Variants in MAP2K6 observed in about 807,000 individuals in gnomAD.
The protein encoded by MAP2K6 is mitogen-activated protein kinase kinase 6.
In MAP2K6, 16 loss-of-function variants were observed where a neutral mutation model predicts 53.7. The observed-to-expected ratio is 0.30, with a 90% confidence interval of 0.20 to 0.45. MAP2K6 has a LOEUF of 0.45. MAP2K6 is among the 20% of genes least tolerant of loss of function. The pLI is 1.00. For synonymous variants in MAP2K6, 132 were observed against 143.1 expected (o/e 0.92, Z 0.55); for missense variants, 204 against 411.9 (o/e 0.50, Z 4.37).
chr17:69,552,809 T>A lies in MAP2K6; in HGVS notation c.*11056T>A, dbSNP rs570850409. 57 of 152,352 alleles carry A rather than the reference T, an allele frequency of 3.7e-4. 1 individual carries two copies. The highest frequency in any genetic ancestry group is 3.7e-3 in the Admixed American group (56 of 15,310). The allele number at this position is 152,352 out of a possible 1,614,324, so 9.4% of individuals were successfully genotyped here. The stretch of plus-strand genomic sequence containing the variant: ...TTGGCTTTGGTGGCTCCAAACATTT[T>A]CATTTTAGGCTAGCTTTCCTGTCAC... On this transcript the variant is annotated 3_prime_UTR_variant, in exon 12 of 12. Coordinates refer to ENST00000590474, the MANE Select transcript of MAP2K6 (RefSeq NM_002758.4).
chr17:69,491,324 A>G lies in MAP2K6; in HGVS notation c.17-14456A>G, dbSNP rs111239967. Among the ~76,000 whole-genome samples, 320 of 152,184 alleles carry G rather than the reference A, an allele frequency of 2.1e-3. 2 individuals are homozygous for G. The highest frequency in any genetic ancestry group is 7.3e-3 in the African/African-American group (304 of 41,528). ...ACGCCCGGCTAATTTTTGTATTTTT[A>G]GTAGAGACGTGGTTTCACCATGTTG... On this transcript the variant is annotated intron_variant, in intron 1 of 11. Transcript: ENST00000590474.
intron 1 of MAP2K6, among the ~76,000 whole-genome samples, chr17:69,496,524 C>A (rs571040693): frequency 6.6e-6 from 1 of 152,028 alleles, no homozygotes; most frequent in Admixed American, 6.6e-5. Context: ...GTGTGCCCCA[C>A]GCCCGGCTAA....
chr17:69,497,587 TC>T (rs1908998502), intron 1 of MAP2K6, among the ~76,000 whole-genome samples: 1 of 152,170 alleles, frequency 6.6e-6, no homozygotes, highest in Non-Finnish European at 1.5e-5. Flanking sequence ...ATACATGACT[TC>T]TCTTTTTACA....
intron 1 of MAP2K6, among the ~76,000 whole-genome samples, chr17:69,495,297 G>A (rs1908905983): frequency 2.6e-5 from 4 of 151,092 alleles, no homozygotes. Context: ...GGAGTGCAGT[G>A]GCGAGACTTC....
intron 1 of MAP2K6, among the ~76,000 whole-genome samples, chr17:69,492,954 G>A (rs1299674204): frequency 6.6e-6 from 1 of 151,956 alleles, no homozygotes; most frequent in Non-Finnish European, 1.5e-5. Flanking sequence ...TCATTCAGTT[G>A]GTCTATTCAG....
At chr17:69,503,123 C>T (rs187315349) in intron 1 of MAP2K6, among the ~76,000 whole-genome samples, 5 of 152,210 alleles carry the variant, frequency 3.3e-5, no homozygotes, top group Admixed American at 2.6e-4. Flanking sequence ...TTTTTGTTTT[C>T]GTTGAGAGAA....
chr17:69,527,080 A>G (rs1910813886), intron 10 of MAP2K6, among the ~76,000 whole-genome samples: 1 of 152,228 alleles, frequency 6.6e-6, no homozygotes, highest in South Asian at 2.1e-4. Flanking sequence ...AGGAAAGGAA[A>G]CATATTCCAA....
Position 69,508,542 on chromosome 17 carries a change from C to T in MAP2K6, c.83+2696C>T, listed in dbSNP as rs185853970. On this transcript the variant is annotated intron_variant, in intron 2 of 11. Coordinates refer to ENST00000590474, the MANE Select transcript of MAP2K6 (RefSeq NM_002758.4). ...GAGAGTTATTTGTATATTCTGGACA[C>T]GAGGACTTTGTCCGATATATATGTG... Among the ~76,000 whole-genome samples, 10 of 152,274 alleles carry T rather than the reference C, an allele frequency of 6.6e-5. No individual in the cohort carries two copies. In the East Asian group the frequency reaches 1.5e-3, roughly 23 times the overall value.
chr17:69,422,234 C>A (rs1285498401), intron 1 of MAP2K6, among the ~76,000 whole-genome samples: 1 of 145,282 alleles, frequency 6.9e-6, no homozygotes, highest in African/African-American at 2.6e-5. Flanking sequence ...CAGTTTCAAG[C>A]AATTCTCCTG....
At chr17:69,428,514 A>T (rs1245593485) in intron 1 of MAP2K6, among the ~76,000 whole-genome samples, 1 of 152,176 alleles carries the variant, frequency 6.6e-6, no homozygotes, top group Non-Finnish European at 1.5e-5. Flanking sequence ...ATCAAGTAAG[A>T]TCCCATTCAG....
Position 69,494,722 on chromosome 17 carries a change from TG to T in MAP2K6, c.17-11055del, listed in dbSNP as rs1258383735. Among the ~76,000 whole-genome samples the T allele has an allele frequency of 6.6e-6, 1 of 151,660 alleles. No homozygotes were observed. The highest frequency in any genetic ancestry group is 2.0e-4 in the East Asian group (1 of 5,098). On this transcript the variant is annotated intron_variant, in intron 1 of 11. Transcript: ENST00000590474. The surrounding 1 kb of genome is among the most constrained non-coding windows in gnomAD (Gnocchi z 4.2). Reference sequence around the variant, plus strand: ...GGTGATCAGAGTGCTATTAAAATTGTGGGCCGGGCGTGGTGGCTCATGCCTG... The same window carrying T: ...GGTGATCAGAGTGCTATTAAAATTGTGGCCGGGCGTGGTGGCTCATGCCTG...
At position 69,448,679 on chromosome 17, in the gene MAP2K6, AG is replaced by A. The variant is rs542730437; in HGVS notation, c.16+33681del. On this transcript the variant is annotated intron_variant, in intron 1 of 11. Coordinates refer to ENST00000590474, the MANE Select transcript of MAP2K6 (RefSeq NM_002758.4). ...TTTTAGCCATCCCCAGGTAATGAGA[AG>A]GCTCCTTCTCCCTGGTCAGTGAACT... 2.1e-3 allele frequency among the ~76,000 whole-genome samples: 317 copies of A among 152,194 alleles called. 3 individuals carry two copies. Among genetic ancestry groups the A allele is most frequent in the African/African-American group, 7.3e-3 (302 of 41,530 alleles).
chr17:69,468,839 C>T (rs1907896380), intron 1 of MAP2K6, among the ~76,000 whole-genome samples: 1 of 152,096 alleles, frequency 6.6e-6, no homozygotes, highest in Non-Finnish European at 1.5e-5. Flanking sequence ...GAAAACAGAA[C>T]AACAAAAACA....
Position 69,502,791 on chromosome 17 carries a change from A to G in MAP2K6, c.17-2989A>G, listed in dbSNP as rs1038677130. On this transcript the variant is annotated intron_variant, in intron 1 of 11. Transcript: ENST00000590474. Reference sequence around the variant, plus strand: ...CTCCCACTTGGAAGACTTTACTATTATTTTGGTCTTTTATTCCTTTGGTCT... The same window carrying G: ...CTCCCACTTGGAAGACTTTACTATTGTTTTGGTCTTTTATTCCTTTGGTCT... 4.9e-6 allele frequency: 4 copies of G among 809,272 alleles called. No homozygotes were observed. In the African/African-American group the frequency reaches 7.4e-5, roughly 15 times the overall value. 50.1% of individuals were successfully genotyped at this position (809,272 alleles called of 1,614,324 possible). A position where few individuals can be genotyped will look rare whatever the true frequency, so the allele number is the denominator to read the frequency against.
chr17:69,522,235 A>ACT (rs1208845060), intron 7 of MAP2K6, among the ~76,000 whole-genome samples: 3 of 152,198 alleles, frequency 2.0e-5, no homozygotes, highest in Non-Finnish European at 2.9e-5. Context: ...TATTATTGTT[A>ACT]GTTGTTATTA....
intron 1 of MAP2K6, among the ~76,000 whole-genome samples, chr17:69,463,887 C>T (rs762312377): frequency 4.6e-5 from 7 of 150,852 alleles, no homozygotes; most frequent in Middle Eastern, 3.4e-3. Flanking sequence ...GGGATGGTGG[C>T]GTGTGCCTGT....
chr17:69,420,095 A>G (rs1161700217), intron 1 of MAP2K6, among the ~76,000 whole-genome samples: 1 of 152,138 alleles, frequency 6.6e-6, no homozygotes, highest in East Asian at 1.9e-4. Flanking sequence ...CTGCTATCAC[A>G]TATTTTATAA....
intron 1 of MAP2K6, among the ~76,000 whole-genome samples, chr17:69,469,841 T>TA: frequency 6.6e-6 from 1 of 152,066 alleles, no homozygotes; most frequent in African/African-American, 2.4e-5. Context: ...TTTTTGGACA[T>TA]ATGATGGCAA....
chr17:69,500,211 G>A (rs941558303), intron 1 of MAP2K6, among the ~76,000 whole-genome samples: 2 of 151,420 alleles, frequency 1.3e-5, no homozygotes, highest in African/African-American at 4.9e-5. Flanking sequence ...AGGCTAAGGC[G>A]GGCGGATAAC....
Sources: gnomAD v4.1 joint callset for allele counts (sites outside exome capture counted in the v4.1 genomes callset) on GRCh38, gnomAD v4.1.1 for gene constraint, Gnocchi (gnomAD v3.1) non-coding constraint, MANE v1.5 for transcripts, NCBI Gene and HGNC (gene_info 2026-07-23, HGNC 2026-07-21) for gene names.